Variants in ILDR2 observed in about 807,000 individuals in gnomAD.
ILDR2 encodes immunoglobulin like domain containing receptor 2.
In ILDR2, 25 loss-of-function variants were observed where a neutral mutation model predicts 66.8. The ratio of observed to expected loss-of-function variants is 0.37; its 90% CI spans 0.27 to 0.52. The LOEUF (loss-of-function observed/expected upper bound fraction) is 0.52. ILDR2 is among the 20% of genes least tolerant of loss of function. ILDR2 has a pLI of 0.88. For synonymous variants in ILDR2, 367 were observed against 357.2 expected (o/e 1.03, Z -0.31); for missense variants, 827 against 876.8 (o/e 0.94, Z 0.72).
intron 2 of ILDR2, among the ~76,000 whole-genome samples, chr1:166,899,970 G>A (rs1056630139): frequency 6.6e-6 from 1 of 152,184 alleles, no homozygotes; most frequent in African/African-American, 2.4e-5. Context: ...GATGTCATCT[G>A]GGAGGCTGCT....
chr1:166,935,122 C>T lies in ILDR2; in HGVS notation c.880+179G>A, dbSNP rs190901361. Among the ~76,000 whole-genome samples the T allele has an allele frequency of 3.3e-3, 508 of 152,286 alleles. 1 individual carries two copies. Among genetic ancestry groups the T allele is most frequent in the Non-Finnish European group, 5.4e-3 (365 of 68,022 alleles). ...GGCAGGGGTCAGCAATGTCCTGCAG[C>T]CTTTGGAAAGCATGAATGTACCCTA... On this transcript the variant is annotated intron_variant, in intron 6 of 9. Coordinates refer to ENST00000271417, the MANE Select transcript of ILDR2 (RefSeq NM_199351.3).
chr1:166,968,312 C>T (rs1253639823), intron 1 of ILDR2, among the ~76,000 whole-genome samples: 1 of 152,156 alleles, frequency 6.6e-6, no homozygotes, highest in African/African-American at 2.4e-5. Flanking sequence ...TCCCACTCTT[C>T]TCTGGCCAAC....
rs1659605658 is a variant in ILDR2 at position 166,915,428 on chromosome 1, A to T, written c.*3927T>A. The T allele has an allele frequency of 6.6e-6, 1 of 152,242 alleles. No homozygotes were observed. Among genetic ancestry groups the T allele is most frequent in the Non-Finnish European group, 1.5e-5 (1 of 68,044 alleles). 9.4% of individuals were successfully genotyped at this position (152,242 alleles called of 1,614,324 possible). On this transcript the variant is annotated 3_prime_UTR_variant, in exon 10 of 10. Coordinates refer to ENST00000271417, the MANE Select transcript of ILDR2 (RefSeq NM_199351.3). ...TGATCACAGGAGTCTCCTGGAATGC[A>T]TATTAAAAATATGAATTCTGGCTCT...
chr1:166,949,094 T>A (rs111708367), intron 3 of ILDR2, among the ~76,000 whole-genome samples: 74 of 152,334 alleles, frequency 4.9e-4, no homozygotes, highest in African/African-American at 1.7e-3. Flanking sequence ...CAAGATCAGT[T>A]TCACAGCCTC....
At chr1:166,935,503 G>T (rs769743340) in intron 5 of ILDR2, 26 bp from the exon 6 acceptor site, 1 of 1,535,270 alleles carries the variant, frequency 6.5e-7, no homozygotes, top group Non-Finnish European at 8.8e-7. Flanking sequence ...AAGAGCAAGA[G>T]AGATTACGTC....
chr1:166,946,946 G>A (rs1661646621), intron 3 of ILDR2, among the ~76,000 whole-genome samples: 1 of 152,020 alleles, frequency 6.6e-6, no homozygotes, highest in Non-Finnish European at 1.5e-5. Flanking sequence ...AGTTGCAACC[G>A]GAAAAAATGA....
chr1:166,943,795 T>C (rs564289933), intron 3 of ILDR2: 1 of 983,204 alleles, frequency 1.0e-6, no homozygotes, highest in Admixed American at 6.1e-5. Flanking sequence ...ATCGCTGTCA[T>C]TCTTCCAGGA....
rs548006174 is a variant in ILDR2, at chr1:166,922,669, C to T, written c.1135G>A (p.Gly379Arg). The T allele has an allele frequency of 3.1e-6, 5 of 1,614,182 alleles. No individual in the cohort carries two copies. In the South Asian group the frequency reaches 4.4e-5, roughly 14 times the overall value. Residue 379 changes from glycine (G) to arginine (R), a missense_variant, in exon 8 of 10, where the codon GGA becomes AGA. Gly to Arg is a moderately radical substitution (Grantham distance 125, BLOSUM62 -2). Coordinates refer to ENST00000271417, the MANE Select transcript of ILDR2 (RefSeq NM_199351.3). Reference protein sequence around the residue: ...SNPDYWSGVMGGSSGASRGPS... With the variant: ...SNPDYWSGVMRGSSGASRGPS... ...CCGCGGCTTGCCCCACTGCTGCCTC[C>T]CATGACACCTGACCAATAGTCAGGA...
Position 166,921,154 on chromosome 1 carries a change from AC to A in ILDR2, c.1436del (p.Gly479ValfsTer10). ...YQDDSLEEYY[G>X]QRSRSREPLT... is the part of the protein sequence containing the mutation. ...GGGGCTCGCGGCTGCGGCTGCGCTG[AC>A]CGTAGTACTCCTCCAAGGAGTCGTC... is the stretch of plus-strand genomic sequence containing the variant. On this transcript the variant is annotated frameshift_variant, in exon 9 of 10. Transcript: ENST00000271417. LOFTEE classifies it high-confidence loss of function. This position sits in a 1 kb window ranked among gnomAD's most constrained non-coding sequence, Gnocchi z 5.3. 1 of 1,537,172 alleles carries A rather than the reference AC, an allele frequency of 6.5e-7. No homozygotes were observed. Among genetic ancestry groups the A allele is most frequent in the South Asian group, 1.2e-5 (1 of 84,096 alleles).
chr1:166,967,470 C>T (rs1663031016), intron 1 of ILDR2, among the ~76,000 whole-genome samples: 2 of 152,164 alleles, frequency 1.3e-5, no homozygotes, highest in Non-Finnish European at 1.5e-5. Context: ...TAACATATTT[C>T]TCCTGGCTGG....
At position 166,961,615 on chromosome 1, in the gene ILDR2, C is replaced by T. The variant is rs149280644; in HGVS notation, c.47-3514G>A. ...GGCAAAACCAGAATAATAGTAACTACCTTATGGAGTTGTTTGAGGGTTAAG... is the reference window on the plus strand; with the variant it reads ...GGCAAAACCAGAATAATAGTAACTATCTTATGGAGTTGTTTGAGGGTTAAG... On this transcript the variant is annotated intron_variant, in intron 1 of 9. Coordinates refer to ENST00000271417, the MANE Select transcript of ILDR2 (RefSeq NM_199351.3). Among the ~76,000 whole-genome samples, 119 of 152,178 alleles carry T rather than the reference C, an allele frequency of 7.8e-4. No individual in the cohort carries two copies. In the Middle Eastern group the frequency reaches 0.034, roughly 43 times the overall value.
chr1:166,942,316 C>T (rs1009159470), intron 3 of ILDR2, among the ~76,000 whole-genome samples: 2 of 152,162 alleles, frequency 1.3e-5, no homozygotes, highest in East Asian at 1.9e-4. Context: ...TGGGCACCAG[C>T]AGGTAATGCA....
intron 3 of ILDR2, among the ~76,000 whole-genome samples, chr1:166,942,145 C>T (rs1661347645): frequency 6.6e-6 from 1 of 152,166 alleles, no homozygotes; most frequent in African/African-American, 2.4e-5. Context: ...TTGTCTAGGA[C>T]AGTTGTGGAT....
chr1:166,924,412 C>T (rs575823722), intron 7 of ILDR2, among the ~76,000 whole-genome samples: 16 of 152,102 alleles, frequency 1.1e-4, no homozygotes, highest in Admixed American at 2.6e-4. Flanking sequence ...TTTTATTTAT[C>T]TAGATAATGA....
rs1158701473 is a variant in ILDR2, at chr1:166,918,963, C to T, written c.*392G>A. ...AATTCTTCTGTCTCTAAGTATAGCACAGGAGGTATAGAAAAGCATATTGTA... is the reference window on the plus strand; with the variant it reads ...AATTCTTCTGTCTCTAAGTATAGCATAGGAGGTATAGAAAAGCATATTGTA... On this transcript the variant is annotated 3_prime_UTR_variant, in exon 10 of 10. Transcript: ENST00000271417. 4 of 353,612 alleles carry T rather than the reference C, an allele frequency of 1.1e-5. No individual in the cohort carries two copies. Among genetic ancestry groups the T allele is most frequent in the Admixed American group, 4.4e-5 (1 of 22,718 alleles). The allele number at this position is 353,612 out of a possible 1,614,324, so 21.9% of individuals were successfully genotyped here. A position where few individuals can be genotyped will look rare whatever the true frequency, so the allele number is the denominator to read the frequency against.
intron 1 of ILDR2, among the ~76,000 whole-genome samples, 154 bp from the exon 2 acceptor site, chr1:166,958,255 G>A (rs1360123128): frequency 6.6e-6 from 1 of 152,038 alleles, no homozygotes; most frequent in Non-Finnish European, 1.5e-5. Flanking sequence ...CCATCTGGTT[G>A]CTTTGTGCAG....
intron 3 of ILDR2, among the ~76,000 whole-genome samples, chr1:166,944,352 G>A (rs1661493878): frequency 1.3e-5 from 2 of 152,130 alleles, no homozygotes; most frequent in African/African-American, 4.8e-5. Context: ...AGACACAGGG[G>A]ACAAGATGTG....
chr1:166,914,827 C>T lies in ILDR2; in HGVS notation c.*4528G>A, dbSNP rs1659581942. The T allele has an allele frequency of 6.6e-6, 1 of 152,168 alleles. No homozygotes were observed. The highest frequency in any genetic ancestry group is 2.4e-5 in the African/African-American group (1 of 41,444). The allele number at this position is 152,168 out of a possible 1,614,324, so 9.4% of individuals were successfully genotyped here. A position where few individuals can be genotyped will look rare whatever the true frequency, so the allele number is the denominator to read the frequency against. On this transcript the variant is annotated 3_prime_UTR_variant, in exon 10 of 10. Transcript: ENST00000271417. ...GTGAATTTGGATTTCTACATCCTAT[C>T]AATCAATTTCAGACTTCCATTAAGA...
downstream of ILDR2, among the ~76,000 whole-genome samples, chr1:166,903,427 T>G (rs1464041225): frequency 2.0e-5 from 3 of 152,214 alleles, no homozygotes; most frequent in Non-Finnish European, 2.9e-5. Flanking sequence ...GGAAGGAAGT[T>G]AAAGGCAAGT....
Sources: allele counts gnomAD v4.1 joint callset (sites outside exome capture counted in the v4.1 genomes callset), GRCh38; gene constraint gnomAD v4.1.1; non-coding constraint Gnocchi (gnomAD v3.1); transcripts MANE v1.5; gene names NCBI Gene and HGNC (gene_info 2026-07-23, HGNC 2026-07-21).